ZHX2: variants seen among roughly 807,000 people sequenced by gnomAD.
ZHX2 encodes the protein zinc fingers and homeoboxes protein 2.
In ZHX2, 6 loss-of-function variants were observed where a neutral mutation model predicts 21.9. The ratio of observed to expected loss-of-function variants is 0.27; its 90% CI spans 0.15 to 0.54. The LOEUF is 0.54. Ranked by LOEUF, ZHX2 falls within the 20% of genes least tolerant of loss-of-function variation. ZHX2 has a pLI of 0.95. For synonymous variants in ZHX2, 434 were observed against 437.1 expected, an observed-to-expected ratio of 0.99 and a Z score of 0.09; for missense variants, 908 against 1,090.7, an observed-to-expected ratio of 0.83 and a Z score of 2.36.
chr8:122,912,040 C>A (rs1353363056), intron 2 of ZHX2, among the ~76,000 whole-genome samples: 2 of 152,178 alleles, frequency 1.3e-5, no homozygotes, highest in Non-Finnish European at 2.9e-5. Flanking sequence ...AAGAGACAGG[C>A]ACTCAGGGTT....
chr8:122,835,381 T>A (rs1174026154), intron 1 of ZHX2, among the ~76,000 whole-genome samples: 1 of 151,922 alleles, frequency 6.6e-6, no homozygotes, highest in Non-Finnish European at 1.5e-5. Context: ...GAAGGGTGGT[T>A]GAGTTGATAA....
chr8:122,807,189 A>G (rs1317083185), intron 1 of ZHX2, among the ~76,000 whole-genome samples: 2 of 152,242 alleles, frequency 1.3e-5, no homozygotes, highest in South Asian at 2.1e-4. Context: ...GTATTTTCCA[A>G]TTGAATGAAT....
chr8:122,837,968 A>G lies in ZHX2; in HGVS notation c.-282-25509A>G, dbSNP rs562010448. Among the ~76,000 whole-genome samples, 4 of 152,222 alleles carry G rather than the reference A, an allele frequency of 2.6e-5. 1 individual carries two copies. Among genetic ancestry groups the G allele is most frequent in the Non-Finnish European group, 5.9e-5 (4 of 68,040 alleles). On this transcript the variant is annotated intron_variant, in intron 1 of 3. Transcript: ENST00000314393. ...CAACTCCCTTTCAGCTCATTCAGGT[A>G]ACATGGAAGACAGAGGCCACCCGCT... is the stretch of plus-strand genomic sequence containing the variant.
At chr8:122,843,652 G>T (rs1818686852) in intron 1 of ZHX2, among the ~76,000 whole-genome samples, 1 of 152,222 alleles carries the variant, frequency 6.6e-6, no homozygotes, top group Non-Finnish European at 1.5e-5. Context: ...CACTTTAGTG[G>T]GTTTCTGCCT....
intron 2 of ZHX2, among the ~76,000 whole-genome samples, chr8:122,885,555 G>T (rs758961788): frequency 2.9e-4 from 44 of 152,186 alleles, no homozygotes; most frequent in Non-Finnish European, 4.0e-4. Context: ...TTTAACAGTG[G>T]TTCTCAGTAG....
intron 1 of ZHX2, among the ~76,000 whole-genome samples, chr8:122,861,230 T>C (rs1819160189): frequency 1.3e-5 from 2 of 152,224 alleles, no homozygotes; most frequent in Non-Finnish European, 1.5e-5. Context: ...CACTCAGCTG[T>C]GTCAGGGATC....
intron 2 of ZHX2, among the ~76,000 whole-genome samples, chr8:122,909,793 T>C (rs1390971000): frequency 6.6e-5 from 10 of 152,158 alleles, no homozygotes; most frequent in Non-Finnish European, 1.0e-4. Flanking sequence ...TCCGGAAGTC[T>C]TGGGCTTCAC....
chr8:122,787,365 A>G lies in ZHX2; in HGVS notation c.-283+5419A>G, dbSNP rs538818939. ...TCTTGTTACACATTGTTTCACTGCA[A>G]TGGTATTTAACACATAACAGAATCT... On this transcript the variant is annotated intron_variant, in intron 1 of 3. Transcript: ENST00000314393. Among the ~76,000 whole-genome samples, 182 of 152,280 alleles carry G rather than the reference A, an allele frequency of 1.2e-3. 1 individual carries two copies. The highest frequency in any genetic ancestry group is 4.2e-3 in the African/African-American group (173 of 41,550).
chr8:122,897,455 T>C (rs1820124418), intron 2 of ZHX2, among the ~76,000 whole-genome samples: 1 of 152,210 alleles, frequency 6.6e-6, no homozygotes, highest in South Asian at 2.1e-4. Flanking sequence ...GAAAGTCAAG[T>C]CTAATTGTTT....
intron 3 of ZHX2, among the ~76,000 whole-genome samples, chr8:122,970,498 C>A (rs1379901166): frequency 6.6e-6 from 1 of 152,116 alleles, no homozygotes; most frequent in African/African-American, 2.4e-5. Flanking sequence ...GGTTAAGTAA[C>A]CAACCTCAGC....
intron 1 of ZHX2, among the ~76,000 whole-genome samples, chr8:122,822,423 G>A (rs992716659): frequency 5.3e-5 from 8 of 152,148 alleles, no homozygotes; most frequent in Non-Finnish European, 1.2e-4. Flanking sequence ...AAGGACCAGC[G>A]AGTAGCAGAC....
At chr8:122,954,130 G>C in intron 3 of ZHX2, 102 bp downstream of exon 3, 5 of 1,042,500 alleles carry the variant, frequency 4.8e-6, no homozygotes, top group Non-Finnish European at 6.8e-6. Flanking sequence ...TGTTGACACA[G>C]ATGGTGGCGT....
chr8:122,891,645 G>C (rs747113774), intron 2 of ZHX2, among the ~76,000 whole-genome samples: 1 of 152,104 alleles, frequency 6.6e-6, no homozygotes, highest in Non-Finnish European at 1.5e-5. Flanking sequence ...TTTGGCTCAA[G>C]AAATGTGTCA....
chr8:122,943,098 C>G (rs910347394), intron 2 of ZHX2, among the ~76,000 whole-genome samples: 13 of 151,942 alleles, frequency 8.6e-5, no homozygotes, highest in African/African-American at 2.9e-4. Context: ...CCCATCTTTA[C>G]TAAAAGTACA....
At chr8:122,849,079 G>A (rs114074267) in intron 1 of ZHX2, among the ~76,000 whole-genome samples, 1 of 152,162 alleles carries the variant, frequency 6.6e-6, no homozygotes, top group African/African-American at 2.4e-5. Context: ...AGAAACATGG[G>A]ATGGCCAGGC....
chr8:122,837,479 C>G (rs1474608034), intron 1 of ZHX2, among the ~76,000 whole-genome samples: 1 of 152,194 alleles, frequency 6.6e-6, no homozygotes, highest in African/African-American at 2.4e-5. Flanking sequence ...TTCAAACACC[C>G]ACCCTCCTTT....
At chr8:122,786,731 TACAC>T (rs955755827) in intron 1 of ZHX2, among the ~76,000 whole-genome samples, 1 of 147,404 alleles carries the variant, frequency 6.8e-6, no homozygotes, top group Non-Finnish European at 1.5e-5. Context: ...CCACCCCCAG[TACAC>T]ACATGCACTC....
chr8:122,890,123 T>C (rs1819942499), intron 2 of ZHX2, among the ~76,000 whole-genome samples: 1 of 148,748 alleles, frequency 6.7e-6, no homozygotes, highest in Non-Finnish European at 1.5e-5. Context: ...CCACTTTGAG[T>C]TGATTTTTAT....
At position 122,871,196 on chromosome 8, in the gene ZHX2, G is replaced by A. The variant is rs1012426082; in HGVS notation, c.-220+7657G>A. 4.8e-4 allele frequency among the ~76,000 whole-genome samples: 73 copies of A among 152,074 alleles called. 1 individual carries two copies. Among genetic ancestry groups the A allele is most frequent in the Admixed American group, 2.6e-4 (4 of 15,284 alleles). On this transcript the variant is annotated intron_variant, in intron 2 of 3. Transcript: ENST00000314393. ...TTATCTGCATAATGAGGATTGTGTA[G>A]TGATTATTACCTACCTGAGAAGGCT...
Sources: gnomAD v4.1 joint callset for allele counts (sites outside exome capture counted in the v4.1 genomes callset) on GRCh38, gnomAD v4.1.1 for gene constraint, MANE v1.5 for transcripts, NCBI Gene and HGNC (gene_info 2026-07-23, HGNC 2026-07-21) for gene names.